The following RORA variants were observed in gnomAD, a reference collection of about 807,000 sequenced individuals.
RORA encodes RAR related orphan receptor A, also known as nuclear receptor ROR-alpha.
Under a neutral mutation model 69.5 loss-of-function variants are expected in RORA, and 7 were observed. That is an observed-to-expected ratio of 0.10 (90% CI 0.06 to 0.19). RORA has a LOEUF of 0.19. Among genes scored for constraint, RORA ranks in the 10% least tolerant of loss-of-function variants. RORA has a pLI of 1.00. For missense variants in RORA, 457 were observed against 663.0 expected (o/e 0.69, Z 3.41); for synonymous variants, 261 against 240.8 (o/e 1.08, Z -0.78).
intron 6 of RORA, 61 bp downstream of exon 6, chr15:60,505,447 T>C: frequency 6.4e-7 from 1 of 1,573,654 alleles, no homozygotes; most frequent in Non-Finnish European, 8.7e-7. Flanking sequence ...CCAACTTTCC[T>C]ATACCAACAC....
At chr15:60,832,080 G>A (rs2073049913) in intron 1 of RORA, among the ~76,000 whole-genome samples, 1 of 152,210 alleles carries the variant, frequency 6.6e-6, no homozygotes, top group African/African-American at 2.4e-5. Flanking sequence ...CGCAAAGACA[G>A]CTAGCTGTGG....
intron 2 of RORA, among the ~76,000 whole-genome samples, chr15:60,572,965 A>G (rs1208509732): frequency 1.3e-5 from 2 of 152,238 alleles, no homozygotes; most frequent in African/African-American, 4.8e-5. Context: ...ACTGGCTGTG[A>G]CACGAGCTCA....
intron 1 of RORA, among the ~76,000 whole-genome samples, chr15:61,096,010 C>T (rs964376660): frequency 2.0e-5 from 3 of 152,302 alleles, no homozygotes; most frequent in African/African-American, 7.2e-5. Flanking sequence ...GAATCACAAG[C>T]CAAAGGGCAG....
At position 60,955,698 on chromosome 15, in the gene RORA, C is replaced by T. The variant is rs945490134; in HGVS notation, c.166+273355G>A. On this transcript the variant is annotated intron_variant, in intron 1 of 10. Coordinates refer to ENST00000335670, the MANE Select transcript of RORA (RefSeq NM_134261.3). ...TGCTGGAGAAGAAATGGAGACTTGG[C>T]CCCCATATATGCTCTATTCAAGGTC... 2.6e-5 allele frequency among the ~76,000 whole-genome samples: 4 copies of T among 152,176 alleles called. No homozygotes were observed. The South Asian group carries it at 8.3e-4, about 32-fold the overall frequency.
intron 1 of RORA, among the ~76,000 whole-genome samples, chr15:60,898,450 G>A (rs61393863): frequency 9.9e-5 from 15 of 151,914 alleles, no homozygotes; most frequent in African/African-American, 3.6e-4. Context: ...GCTAAGGCAG[G>A]AAGATCGCTT....
At chr15:61,196,810 A>G (rs993339675) in intron 1 of RORA, among the ~76,000 whole-genome samples, 1 of 152,226 alleles carries the variant, frequency 6.6e-6, no homozygotes, top group African/African-American at 2.4e-5. Flanking sequence ...TAAGACACAT[A>G]ATCCAGTCAC....
intron 1 of RORA, among the ~76,000 whole-genome samples, chr15:61,125,907 C>T (rs149899468): frequency 6.6e-6 from 1 of 152,226 alleles, no homozygotes; most frequent in Non-Finnish European, 1.5e-5. Context: ...TGTATTGCCA[C>T]AGGAATGGTG....
Position 60,531,653 on chromosome 15 carries a change from TATC to T in RORA, c.282+110_282+112del, listed in dbSNP as rs2066529560. The stretch of plus-strand genomic sequence containing the variant: ...ATATTTCTTCTATCCTGTAATTTCT[TATC>T]ATTCAAAATTCTAAGGAGTTGAATT... On this transcript the variant is annotated intron_variant, in intron 3 of 10. Transcript: ENST00000335670. The surrounding 1 kb of genome is among the most constrained non-coding windows in gnomAD (Gnocchi z 4.8). The T allele has an allele frequency of 1.6e-6, 1 of 624,148 alleles. No homozygotes were observed. Among genetic ancestry groups the T allele is most frequent in the Non-Finnish European group, 2.8e-6 (1 of 358,628 alleles). The allele number at this position is 624,148 out of a possible 1,614,324, so 38.7% of individuals were successfully genotyped here.
At chr15:60,611,383 A>G (rs1485341113) in intron 2 of RORA, among the ~76,000 whole-genome samples, 1 of 151,970 alleles carries the variant, frequency 6.6e-6, no homozygotes, top group Non-Finnish European at 1.5e-5. Flanking sequence ...GTAGAATGAA[A>G]AAGGGATTCG....
chr15:60,885,233 T>A (rs532034906), intron 1 of RORA, among the ~76,000 whole-genome samples: 3 of 152,356 alleles, frequency 2.0e-5, no homozygotes, highest in South Asian at 4.1e-4. Flanking sequence ...GCTTCCATCA[T>A]GTTCTCTTGT....
chr15:60,679,603 A>C (rs2070610913), intron 1 of RORA, among the ~76,000 whole-genome samples: 1 of 142,154 alleles, frequency 7.0e-6, no homozygotes, highest in African/African-American at 2.7e-5. Context: ...TAAACCTTGA[A>C]ATTTTTTTTT....
At chr15:61,003,963 C>T (rs926725137) in intron 1 of RORA, among the ~76,000 whole-genome samples, 3 of 151,640 alleles carry the variant, frequency 2.0e-5, no homozygotes, top group African/African-American at 7.3e-5. Flanking sequence ...GTCTTTCTCT[C>T]TCTCCCTCTC....
At chr15:60,977,295 C>T (rs540289160) in intron 1 of RORA, among the ~76,000 whole-genome samples, 7 of 152,068 alleles carry the variant, frequency 4.6e-5, no homozygotes, top group Non-Finnish European at 1.0e-4. Flanking sequence ...GAATGGTATT[C>T]TGTAGCCTTA....
intron 9 of RORA, among the ~76,000 whole-genome samples, chr15:60,500,280 T>C (rs1368474601): frequency 3.3e-5 from 5 of 152,226 alleles, no homozygotes; most frequent in South Asian, 4.1e-4. Context: ...GCCATACTCA[T>C]ATGAGTGCAA....
In RORA at chr15:61,229,034, C is replaced by T. The variant is rs2080175708; in HGVS notation, c.166+19G>A. The T allele has an allele frequency of 4.8e-6, 7 of 1,460,760 alleles. No homozygotes were observed. Among genetic ancestry groups the T allele is most frequent in the Non-Finnish European group, 6.4e-6 (7 of 1,099,772 alleles). The allele number at this position is 1,460,760 out of a possible 1,614,324, so 90.5% of individuals were successfully genotyped here. On this transcript the variant is annotated intron_variant, in intron 1 of 10. Coordinates refer to ENST00000335670, the MANE Select transcript of RORA (RefSeq NM_134261.3). The stretch of plus-strand genomic sequence containing the variant: ...CGGGCTCCCGCCGCCCCCTCCCCAG[C>T]CCCTCTCCAGCCTCCTACCTCTGCT...
intron 1 of RORA, among the ~76,000 whole-genome samples, chr15:61,138,144 T>C (rs181668138): frequency 9.8e-5 from 15 of 152,304 alleles, no homozygotes; most frequent in East Asian, 7.7e-4. Context: ...ATGCTTGGAA[T>C]AGGATGAGAA....
chr15:60,872,385 C>T (rs534887826), intron 1 of RORA, among the ~76,000 whole-genome samples: 5 of 152,234 alleles, frequency 3.3e-5, no homozygotes, highest in African/African-American at 4.8e-5. Context: ...AGCCATGATC[C>T]GCAGGCAAAC....
chr15:61,185,100 C>T (rs1478932561), intron 1 of RORA, among the ~76,000 whole-genome samples: 4 of 151,992 alleles, frequency 2.6e-5, no homozygotes, highest in Non-Finnish European at 5.9e-5. Flanking sequence ...AACATGCAGG[C>T]GTTACCTGGA....
intron 2 of RORA, among the ~76,000 whole-genome samples, chr15:60,617,533 C>A (rs1275307112): frequency 1.3e-5 from 2 of 152,138 alleles, no homozygotes; most frequent in Non-Finnish European, 2.9e-5. Context: ...GCAGAACTGT[C>A]ATTGGCCAAT....
Sources: allele counts gnomAD v4.1 joint callset (sites outside exome capture counted in the v4.1 genomes callset), GRCh38; gene constraint gnomAD v4.1.1; non-coding constraint Gnocchi (gnomAD v3.1); transcripts MANE v1.5; gene names NCBI Gene and HGNC (gene_info 2026-07-23, HGNC 2026-07-21).